Variants in ITGB6 observed in about 807,000 individuals in gnomAD.
ITGB6 encodes the protein integrin subunit beta 6.
Under a neutral mutation model 84.5 loss-of-function variants are expected in ITGB6, and 80 were observed. That is an observed-to-expected ratio of 0.95 (90% CI 0.79 to 1.14). The LOEUF (loss-of-function observed/expected upper bound fraction) is 1.14. ITGB6 is among the 50% of genes most tolerant of loss of function. The probability of loss-of-function intolerance (pLI) is 0.00; values close to 1 mark genes in which losing one functional copy is unlikely to be tolerated. For missense variants in ITGB6, 1,006 were observed against 968.0 expected (o/e 1.04, Z -0.52); for synonymous variants, 383 against 354.9 (o/e 1.08, Z -0.89).
At chr2:160,181,055 G>C (rs115822052) in intron 4 of ITGB6, among the ~76,000 whole-genome samples, 4,031 of 152,234 alleles carry the variant, frequency 0.026, 72 homozygotes, top group South Asian at 0.076. Context: ...GCACAAAACT[G>C]GGTGGCTGTT....
chr2:160,110,116 T>C (rs1159935115), intron 13 of ITGB6, among the ~76,000 whole-genome samples: 4 of 152,200 alleles, frequency 2.6e-5, no homozygotes, highest in Non-Finnish European at 2.9e-5. Flanking sequence ...ATAGTTATGA[T>C]GATTGTACAG....
At chr2:160,176,889 G>C (rs1484496739) in intron 4 of ITGB6, among the ~76,000 whole-genome samples, 1 of 152,152 alleles carries the variant, frequency 6.6e-6, no homozygotes, top group Admixed American at 6.5e-5. Flanking sequence ...TTCTATTGCT[G>C]AGCATTTATT....
intron 14 of ITGB6, among the ~76,000 whole-genome samples, chr2:160,104,248 G>T (rs1289047884): frequency 6.6e-6 from 1 of 152,144 alleles, no homozygotes; most frequent in African/African-American, 2.4e-5. Context: ...GTGTAATAGG[G>T]TATTTCCTGG....
At chr2:160,121,646 T>C (rs538255460) in intron 12 of ITGB6, among the ~76,000 whole-genome samples, 3 of 151,874 alleles carry the variant, frequency 2.0e-5, no homozygotes, top group African/African-American at 7.2e-5. Context: ...TTACACTGTG[T>C]AGGGTGGCAT....
In ITGB6 at chr2:160,172,737, T is replaced by C; in HGVS notation, c.760-7A>G. The C allele has an allele frequency of 6.3e-7, 1 of 1,588,982 alleles. No homozygotes were observed. The highest frequency in any genetic ancestry group is 2.3e-5 in the East Asian group (1 of 44,238). On this transcript the variant is annotated splice_polypyrimidine_tract_variant and splice_region_variant and intron_variant, in intron 5 of 14. Coordinates refer to ENST00000283249, the MANE Select transcript of ITGB6 (RefSeq NM_000888.5). Reference sequence around the variant, plus strand: ...TCCGCCAGCCAATTTTTTCCTACAGTGAGAAAGAAACATTTGTGTGATATT... The same window carrying C: ...TCCGCCAGCCAATTTTTTCCTACAGCGAGAAAGAAACATTTGTGTGATATT...
intron 7 of ITGB6, among the ~76,000 whole-genome samples, chr2:160,167,827 C>T (rs1229058370): frequency 1.3e-5 from 2 of 152,152 alleles, no homozygotes; most frequent in East Asian, 3.9e-4. Context: ...CAATCGCATT[C>T]CCCAGACTCC....
chr2:160,108,096 T>A (rs908286555), intron 13 of ITGB6, among the ~76,000 whole-genome samples: 1 of 152,150 alleles, frequency 6.6e-6, no homozygotes, highest in African/African-American at 2.4e-5. Flanking sequence ...TGGTTGACTC[T>A]AAAAGAGAAT....
chr2:160,115,538 T>C (rs1480316348), intron 12 of ITGB6, among the ~76,000 whole-genome samples: 3 of 151,940 alleles, frequency 2.0e-5, no homozygotes, highest in Non-Finnish European at 4.4e-5. Context: ...AGACCAAAAG[T>C]AGATAAAACC....
chr2:160,121,889 CTT>C (rs540209773), intron 12 of ITGB6, among the ~76,000 whole-genome samples: 1 of 143,846 alleles, frequency 7.0e-6, no homozygotes, highest in Non-Finnish European at 1.5e-5. Context: ...TAAAGTTATG[CTT>C]TTTTTTTTTA....
chr2:160,174,399 G>T (rs1685333245), intron 4 of ITGB6, among the ~76,000 whole-genome samples: 1 of 152,074 alleles, frequency 6.6e-6, no homozygotes, highest in Admixed American at 6.5e-5. Context: ...AGATAATCAG[G>T]TGATCAGACT....
intron 6 of ITGB6, among the ~76,000 whole-genome samples, chr2:160,171,001 G>A (rs1223415369): frequency 6.6e-6 from 1 of 152,154 alleles, no homozygotes; most frequent in Non-Finnish European, 1.5e-5. Context: ...ATTGTAATAT[G>A]AAAAGGCAGA....
At chr2:160,163,567 G>T (rs770448301) in intron 7 of ITGB6, among the ~76,000 whole-genome samples, 1 of 151,744 alleles carries the variant, frequency 6.6e-6, no homozygotes, top group South Asian at 2.1e-4. Flanking sequence ...AGGAGGCGAA[G>T]GTTGCAGTGA....
intron 4 of ITGB6, among the ~76,000 whole-genome samples, chr2:160,193,883 G>A (rs909939311): frequency 2.6e-5 from 4 of 152,204 alleles, no homozygotes; most frequent in Non-Finnish European, 5.9e-5. Flanking sequence ...TTGACTGGGC[G>A]CGGTGGCTCA....
At chr2:160,199,295 C>T (rs767103883) in intron 1 of ITGB6, 37 bp from the exon 2 acceptor site, 14 of 1,478,978 alleles carry the variant, frequency 9.5e-6, no homozygotes, top group African/African-American at 1.4e-5. Context: ...GGATTAAGTA[C>T]ACTTTCAGTC....
chr2:160,117,717 A>T (rs1682847890), intron 12 of ITGB6, among the ~76,000 whole-genome samples: 1 of 152,188 alleles, frequency 6.6e-6, no homozygotes, highest in Admixed American at 6.5e-5. Flanking sequence ...AAAATTAATG[A>T]ATCCAGGAGC....
At position 160,196,309 on chromosome 2, in the gene ITGB6, G is replaced by A. The variant is rs1328875561; in HGVS notation, c.253C>T (p.Leu85Phe). Residue 85 changes from leucine (L) to phenylalanine (F), a missense_variant, in exon 3 of 15, where the codon CTT (leucine) becomes TTT (phenylalanine). Leu to Phe is a conservative substitution (Grantham distance 22, BLOSUM62 0). Transcript: ENST00000283249. Reference sequence around the variant, plus strand: ...CCTACACTGAGAGGCTTATTTTTAAGTATTTCTACTTGGGAGACAGGGTTT... The same window carrying A: ...CCTACACTGAGAGGCTTATTTTTAAATATTTCTACTTGGGAGACAGGGTTT... ...IENPVSQVEI[L>F]KNKPLSVGRQ... The A allele has an allele frequency of 1.2e-6, 2 of 1,614,026 alleles. No individual in the cohort carries two copies. The highest frequency in any genetic ancestry group is 2.2e-5 in the South Asian group (2 of 91,078).
intron 7 of ITGB6, among the ~76,000 whole-genome samples, chr2:160,168,259 C>T (rs1192180926): frequency 2.6e-5 from 4 of 152,290 alleles, no homozygotes; most frequent in African/African-American, 9.6e-5. Context: ...GTTCATGGGG[C>T]TGTACCGTCC....
chr2:160,108,214 A>T (rs1403252392), intron 13 of ITGB6, among the ~76,000 whole-genome samples: 1 of 142,816 alleles, frequency 7.0e-6, no homozygotes, highest in Non-Finnish European at 1.5e-5. Context: ...GCAGAAATGG[A>T]GTGTGTGTGT....
At chr2:160,151,251 T>C (rs1318674676) in intron 7 of ITGB6, among the ~76,000 whole-genome samples, 1 of 152,112 alleles carries the variant, frequency 6.6e-6, no homozygotes, top group African/African-American at 2.4e-5. Flanking sequence ...CTGTCTCTCA[T>C]ACCACAGTGC....
Sources: allele counts gnomAD v4.1 joint callset (sites outside exome capture counted in the v4.1 genomes callset), GRCh38; gene constraint gnomAD v4.1.1; transcripts MANE v1.5; gene names NCBI Gene and HGNC (gene_info 2026-07-23, HGNC 2026-07-21).